LNPK: variants seen among roughly 807,000 people sequenced by gnomAD.
LNPK encodes endoplasmic reticulum junction formation protein lunapark.
A neutral mutation model predicts 55.2 loss-of-function variants in LNPK; 29 were observed. That is an observed-to-expected ratio of 0.53 (90% CI 0.39 to 0.72). The LOEUF (loss-of-function observed/expected upper bound fraction) is 0.72. LNPK is among the 30% of genes least tolerant of loss of function. The pLI, the probability that LNPK is intolerant of heterozygous loss-of-function variation, is 0.00. For synonymous variants in LNPK, 162 were observed against 168.2 expected (o/e 0.96, Z 0.29); for missense variants, 467 against 494.8 (o/e 0.94, Z 0.53).
intron 1 of LNPK, among the ~76,000 whole-genome samples, chr2:175,996,060 G>A (rs985938943): frequency 1.4e-4 from 21 of 151,852 alleles, no homozygotes; most frequent in Admixed American, 2.6e-4. Flanking sequence ...TGATCTGCCC[G>A]CCTTGGCCTC....
chr2:175,935,104 C>T (rs890121377), intron 12 of LNPK, among the ~76,000 whole-genome samples: 6 of 151,974 alleles, frequency 3.9e-5, no homozygotes, highest in African/African-American at 1.4e-4. Context: ...TCTATTAATT[C>T]TTGATTGTTC....
intron 5 of LNPK, among the ~76,000 whole-genome samples, chr2:175,973,982 C>T (rs980931329): frequency 5.3e-5 from 8 of 152,178 alleles, no homozygotes; most frequent in Admixed American, 3.3e-4. Flanking sequence ...AAACAAGCCA[C>T]TCAGAAACTT....
chr2:175,974,124 T>C (rs1686778344), intron 5 of LNPK, among the ~76,000 whole-genome samples: 2 of 152,192 alleles, frequency 1.3e-5, no homozygotes, highest in Non-Finnish European at 2.9e-5. Context: ...AAGTAGTTAG[T>C]ATGGTAATGT....
intron 5 of LNPK, among the ~76,000 whole-genome samples, chr2:175,976,018 A>AAAAG (rs934327712): frequency 3.3e-5 from 5 of 152,150 alleles, no homozygotes; most frequent in Admixed American, 6.5e-5. Flanking sequence ...ATCTCAAAAA[A>AAAAG]AAAGAAAGAA....
intron 4 of LNPK, among the ~76,000 whole-genome samples, chr2:175,988,349 A>T (rs950291589): frequency 2.0e-5 from 3 of 151,736 alleles, no homozygotes; most frequent in African/African-American, 7.3e-5. Flanking sequence ...TAAAAAAAAA[A>T]CAAAAAACAA....
intron 9 of LNPK, among the ~76,000 whole-genome samples, chr2:175,941,342 GAAGAAA>G (rs1684832921): frequency 6.7e-6 from 1 of 148,782 alleles, no homozygotes. Context: ...GGAGAAAAAT[GAAGAAA>G]AAGACAAAAC....
At position 175,948,441 on chromosome 2, in the gene LNPK, G is replaced by A. The variant is rs546893378; in HGVS notation, c.494-749C>T. 3.3e-5 allele frequency among the ~76,000 whole-genome samples: 5 copies of A among 152,324 alleles called. No homozygotes were observed. The South Asian group carries it at 6.2e-4, about 19-fold the overall frequency. ...TCTATGGCTGCTTTAGAAGAGTAGA[G>A]TAGTTGCAACAGAGACCATATGGCT... On this transcript the variant is annotated intron_variant, in intron 8 of 12. Transcript: ENST00000272748.
At chr2:175,994,665 G>A (rs367573259) in intron 2 of LNPK, among the ~76,000 whole-genome samples, 10 of 152,032 alleles carry the variant, frequency 6.6e-5, no homozygotes, top group South Asian at 4.2e-4. Context: ...GATTGCAGGC[G>A]CCCACCACCA....
intron 8 of LNPK, among the ~76,000 whole-genome samples, chr2:175,951,274 G>A (rs1336546822): frequency 6.6e-6 from 1 of 151,916 alleles, no homozygotes; most frequent in Non-Finnish European, 1.5e-5. Context: ...TCGGTTACAT[G>A]AGTAAGTTCT....
intron 9 of LNPK, among the ~76,000 whole-genome samples, chr2:175,941,790 C>CAAAAAAAAAAAAAAAAA (rs59162981): frequency 2.9e-4 from 15 of 51,874 alleles, no homozygotes; most frequent in African/African-American, 4.1e-4. Context: ...GATTCCATCT[C>CAAAAAAAAAAAAAAAAA]AAAAAAAAAA....
At chr2:175,997,044 CAAGT>C (rs1164163626) in intron 1 of LNPK, among the ~76,000 whole-genome samples, 1 of 152,148 alleles carries the variant, frequency 6.6e-6, no homozygotes, top group Non-Finnish European at 1.5e-5. Context: ...ATACCAGTAT[CAAGT>C]AAGCACACTC....
At chr2:176,002,329 G>T (rs187709521), upstream of LNPK, 2 of 422,722 alleles carry the variant, frequency 4.7e-6, no homozygotes, top group Admixed American at 2.7e-5. Flanking sequence ...TTGGCGCCGC[G>T]GTCGGCGCGC....
At chr2:175,930,399 G>A (rs1684222326) in intron 12 of LNPK, among the ~76,000 whole-genome samples, 200 bp from the exon 13 acceptor site, 1 of 148,914 alleles carries the variant, frequency 6.7e-6, no homozygotes, top group African/African-American at 2.5e-5. Context: ...TAGTATGATA[G>A]AAGAAAAAAA....
At chr2:175,936,183 T>C (rs1424632856) in intron 12 of LNPK, among the ~76,000 whole-genome samples, 1 of 152,204 alleles carries the variant, frequency 6.6e-6, no homozygotes, top group Non-Finnish European at 1.5e-5. Flanking sequence ...ATGCATTGAT[T>C]CAGTGTTGGA....
At position 175,930,154 on chromosome 2, in the gene LNPK, T is replaced by A; in HGVS notation, c.1100A>T (p.Asp367Val). ...DVLDDNTEQT[D>V]DKIPATEQTN... ...CTGTTCTGTAGCTGGTATTTTGTCA[T>A]CTGTCTGCTCTGTATTATCATCAAG... The change falls in exon 13 of 13, where the codon GAT becomes GTT. Residue 367 changes from aspartate to valine, a missense_variant. Asp to Val is a radical substitution (Grantham distance 152, BLOSUM62 -3). Transcript: ENST00000272748. 6.2e-7 allele frequency: 1 copy of A among 1,613,244 alleles called. No individual in the cohort carries two copies. The highest frequency in any genetic ancestry group is 8.5e-7 in the Non-Finnish European group (1 of 1,179,344).
chr2:175,940,307 C>A (rs911078286), intron 9 of LNPK, among the ~76,000 whole-genome samples: 4 of 151,428 alleles, frequency 2.6e-5, no homozygotes, highest in African/African-American at 9.7e-5. Flanking sequence ...ATTGAGTTCA[C>A]AAGAAAGGGT....
chr2:175,947,360 G>A, intron 9 of LNPK, 120 bp downstream of exon 9: 1 of 762,362 alleles, frequency 1.3e-6, no homozygotes, highest in South Asian at 1.9e-5. Flanking sequence ...TGCTTAATCA[G>A]ATAACTGCTC....
At chr2:175,941,838 T>TAAAA (rs1416965879) in intron 9 of LNPK, among the ~76,000 whole-genome samples, 5 of 80,932 alleles carry the variant, frequency 6.2e-5, no homozygotes, top group East Asian at 3.1e-4. Context: ...AGAGAAATCT[T>TAAAA]AAAAAAAAAA....
At chr2:175,945,631 A>C (rs1031791222) in intron 9 of LNPK, among the ~76,000 whole-genome samples, 1 of 152,206 alleles carries the variant, frequency 6.6e-6, no homozygotes, top group Non-Finnish European at 1.5e-5. Flanking sequence ...CCTCATTATC[A>C]AATTTTCAAC....
Sources: gnomAD v4.1 joint callset for allele counts (sites outside exome capture counted in the v4.1 genomes callset) on GRCh38, gnomAD v4.1.1 for gene constraint, MANE v1.5 for transcripts, NCBI Gene and HGNC (gene_info 2026-07-23, HGNC 2026-07-21) for gene names.